OSBPL9: variants seen among roughly 807,000 people sequenced by gnomAD.
OSBPL9 encodes the protein oxysterol binding protein like 9, also known as oxysterol-binding protein-related protein 9.
Under a neutral mutation model 106.6 loss-of-function variants are expected in OSBPL9, and 40 were observed. That is an observed-to-expected ratio of 0.38 (90% CI 0.29 to 0.49). The LOEUF is 0.49. OSBPL9 is among the 20% of genes least tolerant of loss of function. The pLI is 0.97. For missense variants in OSBPL9, 609 were observed against 887.2 expected, an observed-to-expected ratio of 0.69 and a Z score of 3.98; for synonymous variants, 269 against 295.4, an observed-to-expected ratio of 0.91 and a Z score of 0.92.
chr1:51,684,882 T>A (rs1653403374), intron 3 of OSBPL9, among the ~76,000 whole-genome samples: 1 of 151,644 alleles, frequency 6.6e-6, no homozygotes, highest in Admixed American at 6.6e-5. Flanking sequence ...ACAAAATATA[T>A]TCAAATAGTT....
At chr1:51,749,389 T>C (rs1385610326) in intron 7 of OSBPL9, 6 of 226,922 alleles carry the variant, frequency 2.6e-5, no homozygotes, top group African/African-American at 1.1e-4. Context: ...CATAGCTCAC[T>C]GCAGCTTCGA....
intron 3 of OSBPL9, among the ~76,000 whole-genome samples, chr1:51,674,469 G>C (rs1650698213): frequency 6.6e-6 from 1 of 152,122 alleles, no homozygotes; most frequent in African/African-American, 2.4e-5. Flanking sequence ...GGAGAGCAGA[G>C]GTAGTGGTGA....
Position 51,652,014 on chromosome 1 carries a change from C to T in OSBPL9, c.135C>T (p.Gly45=), listed in dbSNP as rs772362778. ...AGTCCAAGGACAAAATGATGAGAGG[C>T]TCTCGCAGAGGATGTGTTAGACTCA... The part of the protein sequence containing the change: ...YYTSKDKMMR[G]SRRGCVRLRG... The change falls in exon 2 of 24, where the codon GGC becomes GGT. Residue 45 remains glycine (G), a synonymous_variant. Coordinates refer to ENST00000428468, the MANE Select transcript of OSBPL9 (RefSeq NM_024586.6). 1 of 1,609,234 alleles carries T rather than the reference C, an allele frequency of 6.2e-7. No individual in the cohort carries two copies. The highest frequency in any genetic ancestry group is 1.3e-5 in the African/African-American group (1 of 74,802).
chr1:51,620,185 C>T (rs1355757919), intron 1 of OSBPL9, among the ~76,000 whole-genome samples: 1 of 151,922 alleles, frequency 6.6e-6, no homozygotes, highest in African/African-American at 2.4e-5. Flanking sequence ...TTTAGGAACA[C>T]TATGTGAGCA....
intron 1 of OSBPL9, among the ~76,000 whole-genome samples, chr1:51,577,957 G>A (rs1300948773): frequency 6.6e-6 from 1 of 152,120 alleles, no homozygotes; most frequent in East Asian, 1.9e-4. Context: ...TTTATAACCC[G>A]AAAAGTGTGC....
intron 3 of OSBPL9, among the ~76,000 whole-genome samples, chr1:51,675,984 T>C (rs1330926256): frequency 6.6e-6 from 1 of 152,188 alleles, no homozygotes; most frequent in East Asian, 1.9e-4. Flanking sequence ...ACTGTTATAC[T>C]ATTAGTGTTT....
At chr1:51,589,737 A>G (rs111342201) in intron 1 of OSBPL9, among the ~76,000 whole-genome samples, 1,645 of 152,032 alleles carry the variant, frequency 0.011, 23 homozygotes, top group African/African-American at 0.038. Flanking sequence ...GCAGGAGATA[A>G]GAGAGGTAGG....
intron 2 of OSBPL9, among the ~76,000 whole-genome samples, chr1:51,659,146 A>G (rs1402220205): frequency 2.0e-5 from 3 of 152,162 alleles, no homozygotes; most frequent in Admixed American, 6.5e-5. Context: ...AAGCTGGGAA[A>G]CAGAATTAAT....
chr1:51,689,187 A>C (rs1276281437), intron 3 of OSBPL9, among the ~76,000 whole-genome samples: 18 of 152,220 alleles, frequency 1.2e-4, no homozygotes, highest in Non-Finnish European at 2.5e-4. Flanking sequence ...AGTAACATAA[A>C]TCAGTCATGG....
chr1:51,523,792 A>T, the OSBPL9 span, among the ~76,000 whole-genome samples: 2 of 152,024 alleles, frequency 1.3e-5, no homozygotes, highest in Non-Finnish European at 2.9e-5. Flanking sequence ...TCCCCAACCC[A>T]TCCTTAAAGG....
chr1:51,568,606 G>A, the OSBPL9 span, among the ~76,000 whole-genome samples: 1 of 152,094 alleles, frequency 6.6e-6, no homozygotes, highest in African/African-American at 2.4e-5. Flanking sequence ...CCAGGCTGTC[G>A]CCCAGGCTGG....
upstream of OSBPL9, among the ~76,000 whole-genome samples, chr1:51,575,063 C>T (rs1211659558): frequency 6.6e-6 from 1 of 152,192 alleles, no homozygotes; most frequent in African/African-American, 2.4e-5. Flanking sequence ...TTTCCTGGGC[C>T]CACTATGGGT....
chr1:51,738,252 A>G (rs1294289820), intron 4 of OSBPL9, among the ~76,000 whole-genome samples: 2 of 152,062 alleles, frequency 1.3e-5, no homozygotes, highest in African/African-American at 2.4e-5. Context: ...AGATGAGGGT[A>G]TCATGAAGAG....
the OSBPL9 span, among the ~76,000 whole-genome samples, chr1:51,568,690 C>T: frequency 6.6e-6 from 1 of 152,214 alleles, no homozygotes; most frequent in African/African-American, 2.4e-5. Context: ...CCTCAGCCTC[C>T]TGAGTACCTG....
At chr1:51,544,168 G>T in the OSBPL9 span, among the ~76,000 whole-genome samples, 188 of 152,268 alleles carry the variant, frequency 1.2e-3, 1 homozygote, top group African/African-American at 4.4e-3. Context: ...CACAGATGAA[G>T]AAACTGAGGC....
At chr1:51,568,262 G>A in the OSBPL9 span, among the ~76,000 whole-genome samples, 17 of 152,206 alleles carry the variant, frequency 1.1e-4, no homozygotes, top group Non-Finnish European at 2.1e-4. Context: ...AACCCCTTCT[G>A]TGTCAGGCAT....
intron 1 of OSBPL9, among the ~76,000 whole-genome samples, chr1:51,619,177 A>G (rs1386524975): frequency 1.3e-5 from 2 of 152,218 alleles, no homozygotes; most frequent in East Asian, 3.8e-4. Context: ...TAATCAGAAA[A>G]TCCCGTAAAC....
At chr1:51,671,695 A>G (rs1473176163) in intron 3 of OSBPL9, among the ~76,000 whole-genome samples, 2 of 152,184 alleles carry the variant, frequency 1.3e-5, no homozygotes, top group African/African-American at 2.4e-5. Flanking sequence ...ATAAAATACG[A>G]AAGGAGAAAA....
chr1:51,584,580 G>A (rs944069725), intron 1 of OSBPL9, among the ~76,000 whole-genome samples: 2 of 152,166 alleles, frequency 1.3e-5, no homozygotes, highest in African/African-American at 4.8e-5. Context: ...GCCAGGTGTT[G>A]TGGTGGGTGC....
Sources: allele counts gnomAD v4.1 joint callset (sites outside exome capture counted in the v4.1 genomes callset), GRCh38; gene constraint gnomAD v4.1.1; transcripts MANE v1.5; gene names NCBI Gene and HGNC (gene_info 2026-07-23, HGNC 2026-07-21).